QTMAN: variants seen among roughly 807,000 people sequenced by gnomAD.
QTMAN encodes the protein queuosine-tRNA mannosyltransferase.
chr2:144,116,308 T>TG, the QTMAN span, among the ~76,000 whole-genome samples: 2 of 7,354 alleles, frequency 2.7e-4, no homozygotes, highest in African/African-American at 4.6e-4. Context: ...GGTGGGGGGG[T>TG]GGGGGGGAGT....
chr2:144,034,423 C>T, the QTMAN span, among the ~76,000 whole-genome samples: 1 of 152,324 alleles, frequency 6.6e-6, no homozygotes, highest in East Asian at 1.9e-4. Flanking sequence ...CGCTTTCGTA[C>T]TGCAACACCT....
the QTMAN span, among the ~76,000 whole-genome samples, chr2:144,097,530 CA>C: frequency 6.6e-5 from 10 of 152,120 alleles, no homozygotes; most frequent in Non-Finnish European, 1.2e-4. Flanking sequence ...CACTTGTTTT[CA>C]AACCTATTCG....
At chr2:144,256,425 T>C in the QTMAN span, among the ~76,000 whole-genome samples, 1 of 152,224 alleles carries the variant, frequency 6.6e-6, no homozygotes, top group Non-Finnish European at 1.5e-5. Flanking sequence ...GATTTCTTCA[T>C]TCAATCTCTT....
the QTMAN span, among the ~76,000 whole-genome samples, chr2:144,171,597 A>G: frequency 6.6e-6 from 1 of 152,194 alleles, no homozygotes; most frequent in Non-Finnish European, 1.5e-5. Flanking sequence ...CTGTGGGTTG[A>G]TAAGAGTCAA....
chr2:144,191,955 G>A, the QTMAN span, among the ~76,000 whole-genome samples: 2 of 152,016 alleles, frequency 1.3e-5, no homozygotes, highest in African/African-American at 2.4e-5. Context: ...AATGACAAAC[G>A]TAAAAACATT....
At chr2:144,182,542 G>A in the QTMAN span, among the ~76,000 whole-genome samples, 1 of 149,744 alleles carries the variant, frequency 6.7e-6, no homozygotes, top group African/African-American at 2.5e-5. Context: ...TACTTGGGAG[G>A]CTGAGGCAGG....
At chr2:144,047,759 G>T in the QTMAN span, among the ~76,000 whole-genome samples, 1 of 152,170 alleles carries the variant, frequency 6.6e-6, no homozygotes, top group East Asian at 1.9e-4. Context: ...TGGTTAGAAA[G>T]AGACAATTAT....
chr2:143,938,163 CAT>C, the QTMAN span: 1 of 152,208 alleles, frequency 6.6e-6, no homozygotes, highest in African/African-American at 2.4e-5. Flanking sequence ...AGCCAGGGAA[CAT>C]AGCTGCAAGC....
At chr2:144,305,846 A>AT in the QTMAN span, among the ~76,000 whole-genome samples, 1 of 152,080 alleles carries the variant, frequency 6.6e-6, no homozygotes, top group East Asian at 1.9e-4. Context: ...TCTTAATTTC[A>AT]TTTTTGTTCA....
At chr2:144,076,685 A>G in the QTMAN span, among the ~76,000 whole-genome samples, 2 of 152,218 alleles carry the variant, frequency 1.3e-5, no homozygotes, top group Non-Finnish European at 2.9e-5. Context: ...TTTTGACACC[A>G]ATTCTTAGAA....
chr2:144,009,870 T>C, the QTMAN span, among the ~76,000 whole-genome samples: 1 of 151,568 alleles, frequency 6.6e-6, no homozygotes, highest in Non-Finnish European at 1.5e-5. Flanking sequence ...GGTAAAAAAA[T>C]AGAATGACTA....
chr2:144,181,535 A>G, the QTMAN span, among the ~76,000 whole-genome samples: 186 of 152,330 alleles, frequency 1.2e-3, 2 homozygotes, highest in African/African-American at 4.4e-3. Context: ...TAACTTGGCC[A>G]GGCATGGTGT....
chr2:144,036,258 T>A, the QTMAN span, among the ~76,000 whole-genome samples: 3 of 152,218 alleles, frequency 2.0e-5, no homozygotes, highest in African/African-American at 7.2e-5. Context: ...GATACTTGGA[T>A]GAGAAAGTTA....
the QTMAN span, among the ~76,000 whole-genome samples, chr2:144,320,968 GT>G: frequency 6.6e-6 from 1 of 152,056 alleles, no homozygotes; most frequent in Admixed American, 6.5e-5. Context: ...CTGTCTTTTT[GT>G]TATTTGAGTT....
the QTMAN span, among the ~76,000 whole-genome samples, chr2:144,080,525 T>C: frequency 1.3e-5 from 2 of 152,140 alleles, no homozygotes; most frequent in Non-Finnish European, 2.9e-5. Flanking sequence ...AACTAAACCA[T>C]ATGTATACTT....
At chr2:144,230,126 A>G in the QTMAN span, 1 of 152,154 alleles carries the variant, frequency 6.6e-6, no homozygotes, top group Non-Finnish European at 1.5e-5. Flanking sequence ...TCCCTATATG[A>G]TATGAAGTCC....
chr2:144,020,421 G>A, the QTMAN span, among the ~76,000 whole-genome samples: 1 of 152,212 alleles, frequency 6.6e-6, no homozygotes, highest in Non-Finnish European at 1.5e-5. Flanking sequence ...GACAGGCACT[G>A]GGTATGATCC....
At chr2:144,196,170 T>C in the QTMAN span, among the ~76,000 whole-genome samples, 1 of 151,116 alleles carries the variant, frequency 6.6e-6, no homozygotes, top group South Asian at 2.1e-4. Context: ...AATGAGAAAC[T>C]CCATAATACA....
the QTMAN span, among the ~76,000 whole-genome samples, chr2:144,323,558 A>G: frequency 2.6e-5 from 4 of 152,174 alleles, no homozygotes; most frequent in Admixed American, 2.0e-4. Context: ...TAGCGTTACT[A>G]TGATAATGGT....
Sources: allele counts gnomAD v4.1 joint callset (sites outside exome capture counted in the v4.1 genomes callset), GRCh38; gene constraint gnomAD v4.1.1; transcripts MANE v1.5; gene names NCBI Gene and HGNC (gene_info 2026-07-23, HGNC 2026-07-21).